The following PRKCA variants were observed in gnomAD, a reference collection of about 807,000 sequenced individuals.
PRKCA encodes protein kinase C alpha type.
A neutral mutation model predicts 87.0 loss-of-function variants in PRKCA; 27 were observed. The ratio of observed to expected loss-of-function variants is 0.31; its 90% CI spans 0.23 to 0.43. The LOEUF is 0.43. Among genes scored for constraint, PRKCA ranks in the 20% least tolerant of loss-of-function variants. The pLI is 1.00. For synonymous variants in PRKCA, 329 were observed against 311.1 expected, an observed-to-expected ratio of 1.06 and a Z score of -0.61; for missense variants, 518 against 852.3, an observed-to-expected ratio of 0.61 and a Z score of 4.88.
In PRKCA at chr17:66,377,728, T is replaced by A. The variant is rs1361334111; in HGVS notation, c.205+71601T>A. On this transcript the variant is annotated intron_variant, in intron 2 of 16. Transcript: ENST00000413366. ...ATATATATATATATATATATTTTTT[T>A]TTTTTTTTTTTTTTGAGGCAGGACC... is the stretch of plus-strand genomic sequence containing the variant. Among the ~76,000 whole-genome samples the A allele has an allele frequency of 3.6e-3, 486 of 135,902 alleles. 5 individuals carry two copies. Among genetic ancestry groups the A allele is most frequent in the African/African-American group, 0.012 (454 of 37,020 alleles). The allele number at this position is 135,902 out of a possible 152,430, so 89.2% of individuals were successfully genotyped here.
At chr17:66,507,002 A>G (rs1042837932) in intron 3 of PRKCA, among the ~76,000 whole-genome samples, 13 of 152,178 alleles carry the variant, frequency 8.5e-5, no homozygotes, top group African/African-American at 3.1e-4. Flanking sequence ...ACAGGATGTG[A>G]CATCTTTGTG....
intron 3 of PRKCA, among the ~76,000 whole-genome samples, chr17:66,521,015 G>C (rs748708594): frequency 1.3e-5 from 2 of 152,154 alleles, no homozygotes; most frequent in African/African-American, 2.4e-5. Flanking sequence ...TCTTCATGTA[G>C]GAGATGCTTC....
chr17:66,676,765 A>T (rs1230903856), intron 5 of PRKCA: 1 of 152,306 alleles, frequency 6.6e-6, no homozygotes, highest in Non-Finnish European at 1.5e-5. Flanking sequence ...GAAAAGAAGC[A>T]AGCGTAAGGT....
intron 13 of PRKCA, among the ~76,000 whole-genome samples, chr17:66,757,809 C>T (rs1974589451): frequency 6.6e-6 from 1 of 152,176 alleles, no homozygotes; most frequent in Non-Finnish European, 1.5e-5. Flanking sequence ...ACTGCAAGCT[C>T]CGCCTCCCAG....
chr17:66,710,370 G>A (rs868315894), intron 8 of PRKCA, among the ~76,000 whole-genome samples: 8 of 151,422 alleles, frequency 5.3e-5, no homozygotes, highest in African/African-American at 2.0e-4. Context: ...ACCACTAATT[G>A]TGTGTAGCAC....
chr17:66,799,214 ATGGTGG>A (rs1250294752), intron 16 of PRKCA, among the ~76,000 whole-genome samples: 1 of 462 alleles, frequency 2.2e-3, no homozygotes, highest in Non-Finnish European at 3.6e-3. Context: ...GGTGGTGGTG[ATGGTGG>A]TGGTGGTGGT....
intron 2 of PRKCA, 81 bp from the exon 3 acceptor site, chr17:66,496,120 A>G: frequency 9.3e-7 from 1 of 1,070,644 alleles, no homozygotes; most frequent in Non-Finnish European, 1.4e-6. Context: ...GACTTCTAAC[A>G]GCAAGTATCT....
chr17:66,482,174 A>G (rs1598709144), intron 2 of PRKCA, among the ~76,000 whole-genome samples: 2 of 152,042 alleles, frequency 1.3e-5, no homozygotes, highest in South Asian at 4.2e-4. Context: ...TGCAAAGACT[A>G]GAAGGATACA....
At chr17:66,327,395 G>A (rs1299552965) in intron 2 of PRKCA, among the ~76,000 whole-genome samples, 1 of 151,416 alleles carries the variant, frequency 6.6e-6, no homozygotes, top group Non-Finnish European at 1.5e-5. Flanking sequence ...AAATTGCTGG[G>A]TGTGGTGGTG....
At chr17:66,529,643 A>G (rs933385639) in intron 3 of PRKCA, among the ~76,000 whole-genome samples, 3 of 152,054 alleles carry the variant, frequency 2.0e-5, no homozygotes, top group Non-Finnish European at 2.9e-5. Context: ...ATTTTGGAAA[A>G]TTTTCATTTG....
chr17:66,520,414 C>A (rs570373410), intron 3 of PRKCA, among the ~76,000 whole-genome samples: 3 of 152,130 alleles, frequency 2.0e-5, no homozygotes, highest in Admixed American at 6.5e-5. Context: ...AGCCACCATG[C>A]CCAGCCCACC....
chr17:66,398,292 C>T (rs1910804799), intron 2 of PRKCA: 1 of 152,206 alleles, frequency 6.6e-6, no homozygotes, highest in Admixed American at 6.5e-5. Context: ...CAGATTCTAT[C>T]TGCCACATGC....
intron 2 of PRKCA, among the ~76,000 whole-genome samples, chr17:66,425,080 A>G (rs987647796): frequency 1.3e-5 from 2 of 152,128 alleles, no homozygotes; most frequent in African/African-American, 4.8e-5. Flanking sequence ...GTTGCTATAT[A>G]GAAGAGTCTA....
chr17:66,325,899 A>C (rs11079650), intron 2 of PRKCA, among the ~76,000 whole-genome samples: 89,498 of 151,824 alleles, frequency 0.59, 26,445 homozygotes, highest in South Asian at 0.64. Flanking sequence ...TTAAAACTGG[A>C]CTTTTGTGTA....
intron 2 of PRKCA, among the ~76,000 whole-genome samples, chr17:66,346,327 G>A (rs926202108): frequency 3.3e-5 from 5 of 151,734 alleles, no homozygotes; most frequent in Admixed American, 1.3e-4. Context: ...TCGATCTCCT[G>A]ACCTAGTGAT....
At position 66,758,234 on chromosome 17, in the gene PRKCA, C is replaced by T. The variant is rs1358072557; in HGVS notation, c.1524+15474C>T. 2.6e-5 allele frequency among the ~76,000 whole-genome samples: 4 copies of T among 152,176 alleles called. No homozygotes were observed. In the East Asian group the frequency reaches 7.7e-4, roughly 29 times the overall value. ...CCAAAAACAGCAGAAAATTTTTGTGCTCTGAGCACTGGAGAGAAATGATTT... is the reference window on the plus strand; with the variant it reads ...CCAAAAACAGCAGAAAATTTTTGTGTTCTGAGCACTGGAGAGAAATGATTT... On this transcript the variant is annotated intron_variant, in intron 13 of 16. Transcript: ENST00000413366.
intron 2 of PRKCA, among the ~76,000 whole-genome samples, chr17:66,312,185 T>C (rs1905118831): frequency 6.6e-6 from 1 of 152,162 alleles, no homozygotes; most frequent in Non-Finnish European, 1.5e-5. Flanking sequence ...TTTCACCATA[T>C]TGGCCAGGCT....
At chr17:66,378,775 G>T (rs7217055) in intron 2 of PRKCA, among the ~76,000 whole-genome samples, 33,018 of 151,696 alleles carry the variant, frequency 0.22, 3,763 homozygotes, top group Admixed American at 0.31. Flanking sequence ...GTGGCACATG[G>T]CTGTAATCCC....
chr17:66,347,089 A>G (rs1907426597), intron 2 of PRKCA, among the ~76,000 whole-genome samples: 1 of 152,108 alleles, frequency 6.6e-6, no homozygotes, highest in African/African-American at 2.4e-5. Context: ...GATTTTATCT[A>G]CTGATATTGG....
Sources: allele counts gnomAD v4.1 joint callset (sites outside exome capture counted in the v4.1 genomes callset), GRCh38; gene constraint gnomAD v4.1.1; transcripts MANE v1.5; gene names NCBI Gene and HGNC (gene_info 2026-07-23, HGNC 2026-07-21).